Variants in PTPRD observed in about 807,000 individuals in gnomAD.
PTPRD encodes receptor-type tyrosine-protein phosphatase delta.
In PTPRD, 34 loss-of-function variants were observed where a neutral mutation model predicts 214.5. The ratio of observed to expected loss-of-function variants is 0.16; its 90% CI spans 0.12 to 0.21. PTPRD has a LOEUF of 0.21. Ranked by LOEUF, PTPRD falls within the 10% of genes least tolerant of loss-of-function variation. The probability of loss-of-function intolerance (pLI) is 1.00; values close to 1 mark genes in which losing one functional copy is unlikely to be tolerated. For missense variants in PTPRD, 2,545 were observed against 2,398.7 expected (o/e 1.06, Z -1.27); for synonymous variants, 1,128 against 845.7 (o/e 1.33, Z -5.79).
chr9:10,294,444 A>G (rs921226442), intron 3 of PTPRD, among the ~76,000 whole-genome samples: 20 of 152,106 alleles, frequency 1.3e-4, no homozygotes, highest in African/African-American at 4.3e-4. Context: ...GCTTTCCACA[A>G]TTTGGACAAT....
chr9:8,776,507 A>C (rs1194981754), intron 11 of PTPRD, among the ~76,000 whole-genome samples: 1 of 123,972 alleles, frequency 8.1e-6, no homozygotes, highest in Non-Finnish European at 1.8e-5. Flanking sequence ...CATGTTGCCC[A>C]GGCCGGTCTC....
chr9:9,464,227 T>C (rs2093934372), intron 8 of PTPRD, among the ~76,000 whole-genome samples: 1 of 152,158 alleles, frequency 6.6e-6, no homozygotes, highest in African/African-American at 2.4e-5. Flanking sequence ...TTTGGTAACA[T>C]ACCCATCACC....
At chr9:9,971,160 CAT>C (rs1025713557) in intron 4 of PTPRD, among the ~76,000 whole-genome samples, 12 of 152,060 alleles carry the variant, frequency 7.9e-5, no homozygotes, top group Non-Finnish European at 2.9e-5. Flanking sequence ...GTAAAACAAT[CAT>C]GTGATTAACA....
chr9:10,492,579 A>AAT (rs1281802390), intron 2 of PTPRD, among the ~76,000 whole-genome samples: 2 of 151,934 alleles, frequency 1.3e-5, no homozygotes, highest in Admixed American at 1.3e-4. Context: ...TTTCTTGTAA[A>AAT]TTTGTTTACA....
chr9:9,047,280 C>T (rs1364807067), intron 10 of PTPRD, among the ~76,000 whole-genome samples: 1 of 151,896 alleles, frequency 6.6e-6, no homozygotes, highest in African/African-American at 2.4e-5. Flanking sequence ...AAAAATATTC[C>T]ATGTTTATGG....
intron 11 of PTPRD, among the ~76,000 whole-genome samples, chr9:8,959,020 C>G (rs758032830): frequency 6.6e-6 from 1 of 151,972 alleles, no homozygotes; most frequent in Non-Finnish European, 1.5e-5. Flanking sequence ...GACAGGTCCT[C>G]GAGGAAGCAC....
chr9:10,100,671 T>C (rs2098542881), intron 3 of PTPRD, among the ~76,000 whole-genome samples: 1 of 151,664 alleles, frequency 6.6e-6, no homozygotes, highest in Admixed American at 6.6e-5. Context: ...TTCAAATATA[T>C]ACATGTTGGA....
At chr9:8,805,520 G>C (rs2154520476) in intron 11 of PTPRD, among the ~76,000 whole-genome samples, 1 of 151,542 alleles carries the variant, frequency 6.6e-6, no homozygotes, top group East Asian at 1.9e-4. Flanking sequence ...AAAAAAAACA[G>C]AAAAATAAAT....
At chr9:9,852,399 G>A (rs1227935059) in intron 5 of PTPRD, among the ~76,000 whole-genome samples, 1 of 151,814 alleles carries the variant, frequency 6.6e-6, no homozygotes, top group Non-Finnish European at 1.5e-5. Flanking sequence ...GTGGAACTAG[G>A]ATAAATGCTA....
chr9:9,764,405 G>C (rs1408945332), intron 6 of PTPRD, among the ~76,000 whole-genome samples: 1 of 152,038 alleles, frequency 6.6e-6, no homozygotes, highest in Non-Finnish European at 1.5e-5. Context: ...ATTTTGAAAA[G>C]AAGTTCGCAA....
intron 3 of PTPRD, among the ~76,000 whole-genome samples, chr9:10,049,461 A>T (rs546481338): frequency 9.9e-5 from 15 of 151,746 alleles, no homozygotes; most frequent in African/African-American, 3.6e-4. Context: ...ACCCTTCTAT[A>T]TGTGTGTAGA....
At position 8,872,244 on chromosome 9, in the gene PTPRD, T is replaced by C. The variant is rs546531481; in HGVS notation, c.-103-138298A>G. Among the ~76,000 whole-genome samples the C allele has an allele frequency of 9.4e-4, 143 of 152,248 alleles. 2 individuals carry two copies. The highest frequency in any genetic ancestry group is 1.5e-3 in the African/African-American group (61 of 41,562). The stretch of plus-strand genomic sequence containing the variant: ...GAGGAAGAGGTGCCAACAAGGAGCC[T>C]GTAGAGTGAGTGGATTATCTTTGTG... On this transcript the variant is annotated intron_variant, in intron 11 of 45. Coordinates refer to ENST00000381196, the MANE Select transcript of PTPRD (RefSeq NM_002839.4).
intron 8 of PTPRD, among the ~76,000 whole-genome samples, chr9:9,466,774 T>C (rs1405691955): frequency 1.3e-5 from 2 of 152,172 alleles, no homozygotes; most frequent in Non-Finnish European, 2.9e-5. Context: ...TCAGTTAATC[T>C]GTGCAAAATG....
chr9:8,415,040 G>C (rs770329876), intron 35 of PTPRD, among the ~76,000 whole-genome samples: 32 of 151,954 alleles, frequency 2.1e-4, no homozygotes, highest in Non-Finnish European at 4.1e-4. Context: ...ATGGATAGGT[G>C]GGTGGGAAAA....
chr9:8,806,364 T>C (rs2096681507), intron 11 of PTPRD, among the ~76,000 whole-genome samples: 1 of 152,078 alleles, frequency 6.6e-6, no homozygotes, highest in Non-Finnish European at 1.5e-5. Flanking sequence ...AGTAAATTGA[T>C]TTCAAAATTC....
intron 9 of PTPRD, among the ~76,000 whole-genome samples, chr9:9,276,537 C>A (rs1945716008): frequency 6.6e-6 from 1 of 151,298 alleles, no homozygotes; most frequent in African/African-American, 2.4e-5. Flanking sequence ...AGTCCAACAA[C>A]TTGTATCATC....
intron 9 of PTPRD, among the ~76,000 whole-genome samples, chr9:9,342,588 T>A (rs959438155): frequency 6.6e-6 from 1 of 152,198 alleles, no homozygotes; most frequent in Non-Finnish European, 1.5e-5. Context: ...ACAGCCTTTT[T>A]GGGGATACTG....
At chr9:8,872,732 A>C (rs374639500) in intron 11 of PTPRD, among the ~76,000 whole-genome samples, 198 of 152,340 alleles carry the variant, frequency 1.3e-3, no homozygotes, top group African/African-American at 4.5e-3. Context: ...AATCATAATA[A>C]AAACCATCTA....
intron 2 of PTPRD, among the ~76,000 whole-genome samples, chr9:10,447,115 G>A (rs10511546): frequency 0.072 from 10,912 of 150,598 alleles, 712 homozygotes; most frequent in African/African-American, 0.14. Flanking sequence ...CTGGCAGGGC[G>A]ATTCCTGTAG....
Sources: allele counts gnomAD v4.1 joint callset (sites outside exome capture counted in the v4.1 genomes callset), GRCh38; gene constraint gnomAD v4.1.1; transcripts MANE v1.5; gene names NCBI Gene and HGNC (gene_info 2026-07-23, HGNC 2026-07-21).